MYO18A: variants seen among roughly 807,000 people sequenced by gnomAD.
MYO18A encodes unconventional myosin-XVIIIa.
A neutral mutation model predicts 235.8 loss-of-function variants in MYO18A; 78 were observed. That is an observed-to-expected ratio of 0.33 (90% CI 0.28 to 0.40). The LOEUF (loss-of-function observed/expected upper bound fraction) is 0.40, where lower values mean the gene tolerates loss of function less well. Ranked by LOEUF, MYO18A falls within the 10% of genes least tolerant of loss-of-function variation. The pLI is 1.00. For synonymous variants in MYO18A, 977 were observed against 1,077.8 expected (o/e 0.91, Z 1.83); for missense variants, 2,215 against 2,699.3 (o/e 0.82, Z 3.98).
rs2065915679 is a variant in MYO18A at position 29,073,794 on chromosome 17, T to C, written c.*976A>G. On this transcript the variant is annotated 3_prime_UTR_variant, in exon 42 of 42. Transcript: ENST00000527372. ...CGGGCTCAGGACACAGAGTGAGGACTCATGTCTAATGAGCACCGGCCAAAA... is the reference window on the plus strand; with the variant it reads ...CGGGCTCAGGACACAGAGTGAGGACCCATGTCTAATGAGCACCGGCCAAAA... The C allele has an allele frequency of 2.0e-6, 3 of 1,502,316 alleles. No individual in the cohort carries two copies. Among genetic ancestry groups the C allele is most frequent in the Admixed American group, 1.8e-5 (1 of 54,342 alleles). The allele number at this position is 1,502,316 out of a possible 1,614,324, so 93.1% of individuals were successfully genotyped here. A position where few individuals can be genotyped will look rare whatever the true frequency, so the allele number is the denominator to read the frequency against.
chr17:29,119,979 G>A (rs2067159471), intron 7 of MYO18A, among the ~76,000 whole-genome samples: 1 of 152,094 alleles, frequency 6.6e-6, no homozygotes, highest in Admixed American at 6.6e-5. Flanking sequence ...AGGTTCAAGT[G>A]ACCCTCCCAT....
At chr17:29,149,421 G>A (rs2067922705) in intron 2 of MYO18A, among the ~76,000 whole-genome samples, 1 of 152,204 alleles carries the variant, frequency 6.6e-6, no homozygotes. Context: ...GGTATGGGAC[G>A]GCGAGCCACA....
chr17:29,099,608 G>A (rs565506010), intron 22 of MYO18A, 26 bp downstream of exon 22: 1 of 1,607,052 alleles, frequency 6.2e-7, no homozygotes. Flanking sequence ...GGTTGGGGAG[G>A]GGGAGGGATG....
At chr17:29,144,679 T>A (rs1344328023) in intron 2 of MYO18A, among the ~76,000 whole-genome samples, 1 of 152,180 alleles carries the variant, frequency 6.6e-6, no homozygotes, top group African/African-American at 2.4e-5. Context: ...CCTGGCAAAT[T>A]ATAGTTATTA....
Position 29,092,328 on chromosome 17 carries a change from A to C in MYO18A, c.5187+15T>G. ...CAGCCCCCCGAGCTCTGCCCCGGGCACCTTGGCCCCTCACCGCTGTCTTGG... is the reference window on the plus strand; with the variant it reads ...CAGCCCCCCGAGCTCTGCCCCGGGCCCCTTGGCCCCTCACCGCTGTCTTGG... On this transcript the variant is annotated intron_variant, in intron 34 of 41. Transcript: ENST00000527372. 1 of 1,600,394 alleles carries C rather than the reference A, an allele frequency of 6.2e-7. No homozygotes were observed. Among genetic ancestry groups the C allele is most frequent in the African/African-American group, 1.3e-5 (1 of 74,882 alleles).
At chr17:29,080,009 A>C (rs1261291087) in intron 41 of MYO18A, 2 of 985,916 alleles carry the variant, frequency 2.0e-6, no homozygotes, top group African/African-American at 1.7e-5. Context: ...TGCTCTGAGG[A>C]AGCTTCGGAG....
rs1377075294 is a variant in MYO18A at position 29,094,833 on chromosome 17, A to G, written c.4527T>C (p.Ile1509=). Residue 1509 remains isoleucine, a synonymous_variant, in exon 30 of 42, where the codon ATT becomes ATC. Transcript: ENST00000527372. The part of the protein sequence containing the change: ...KQQLEEKDMD[I]AGFTQKVVSL... ...ACACAACCTTCTGGGTGAACCCTGC[A>G]ATGTCCATGTCTTTTTCCTGGAGCA... The G allele has an allele frequency of 4.3e-6, 7 of 1,613,972 alleles. No individual in the cohort carries two copies. Among genetic ancestry groups the G allele is most frequent in the Non-Finnish European group, 5.9e-6 (7 of 1,179,882 alleles).
intron 1 of MYO18A, among the ~76,000 whole-genome samples, chr17:29,178,568 C>G (rs1034322050): frequency 6.6e-6 from 1 of 152,072 alleles, no homozygotes. Flanking sequence ...CATGTCAAAT[C>G]CAGAAACCAG....
intron 2 of MYO18A, among the ~76,000 whole-genome samples, chr17:29,154,610 G>C: frequency 6.6e-6 from 1 of 152,170 alleles, no homozygotes; most frequent in Admixed American, 6.5e-5. Flanking sequence ...TGATCTTGAG[G>C]CATGGCCAAG....
chr17:29,094,598 T>C (rs1345932456), intron 30 of MYO18A, 52 bp downstream of exon 30: 1 of 1,582,842 alleles, frequency 6.3e-7, no homozygotes, highest in Non-Finnish European at 8.7e-7. Context: ...GCTGTGGGGA[T>C]GGTGGCGGCC....
intron 2 of MYO18A, chr17:29,131,253 G>T: frequency 2.7e-6 from 1 of 376,520 alleles, no homozygotes; most frequent in Non-Finnish European, 3.7e-6. Flanking sequence ...CCATGGAGCT[G>T]TCTCACAGGC....
intron 1 of MYO18A, among the ~76,000 whole-genome samples, chr17:29,177,611 C>CG (rs973040128): frequency 3.3e-5 from 5 of 152,054 alleles, no homozygotes; most frequent in African/African-American, 7.2e-5. Context: ...TTAAAGCACC[C>CG]GGGGGTCTGA....
At chr17:29,076,305 AC>A (rs2065974839) in intron 41 of MYO18A, 1 of 138,552 alleles carries the variant, frequency 7.2e-6, no homozygotes, top group Non-Finnish European at 1.5e-5. Context: ...GGACGACTTC[AC>A]CCCGCCACTC....
intron 25 of MYO18A, 100 bp downstream of exon 25, chr17:29,098,005 G>A: frequency 6.3e-7 from 1 of 1,576,068 alleles, no homozygotes; most frequent in Non-Finnish European, 8.6e-7. Context: ...CAGGGATGCT[G>A]GGCTAGGGGT....
chr17:29,086,669 G>T, intron 38 of MYO18A, 92 bp from the exon 39 acceptor site: 1 of 1,489,404 alleles, frequency 6.7e-7, no homozygotes, highest in Non-Finnish European at 9.0e-7. Context: ...TCCGGTCATG[G>T]GGGTGCTACC....
chr17:29,098,285 C>G, intron 24 of MYO18A, 61 bp from the exon 25 acceptor site: 1 of 1,612,134 alleles, frequency 6.2e-7, no homozygotes, highest in Admixed American at 1.7e-5. Flanking sequence ...AGCCAGAACA[C>G]CTGGGGGACC....
At chr17:29,116,535 T>C (rs2067066001) in intron 10 of MYO18A, 80 bp from the exon 11 acceptor site, 1 of 1,568,274 alleles carries the variant, frequency 6.4e-7, no homozygotes, top group African/African-American at 1.4e-5. Flanking sequence ...GCTCGCCGCC[T>C]CGGAGGGACC....
chr17:29,121,723 C>G lies in MYO18A; in HGVS notation c.1195G>C (p.Ala399Pro), dbSNP rs1309750987. The part of the protein sequence containing the change: ...LDVDEDDVEK[A>P]NAPSCDRLED... ...AGACGGTCGCAGGAGGGAGCATTAG[C>G]CTGTGTGGGAGGACAGGCGGGTGGG... Residue 399 changes from alanine (A) to proline (P), a missense_variant and splice_region_variant, in exon 5 of 42, where the codon GCT (alanine) becomes CCT (proline). Ala to Pro is a conservative substitution (Grantham distance 27). Coordinates refer to ENST00000527372, the MANE Select transcript of MYO18A (RefSeq NM_078471.4). The surrounding 1 kb of genome is among the most constrained non-coding windows in gnomAD (Gnocchi z 4.2). 1 of 1,576,096 alleles carries G rather than the reference C, an allele frequency of 6.3e-7. No homozygotes were observed. The highest frequency in any genetic ancestry group is 1.4e-5 in the African/African-American group (1 of 73,938).
chr17:29,109,903 G>A lies in MYO18A; in HGVS notation c.3286C>T (p.Leu1096Phe). The change falls in exon 19 of 42, where the codon CTC (leucine) becomes TTC (phenylalanine). Residue 1096 changes from leucine (L) to phenylalanine (F), a missense_variant. Leu to Phe is a conservative substitution (Grantham distance 22). Transcript: ENST00000527372. This position sits in a 1 kb window ranked among gnomAD's most constrained non-coding sequence, Gnocchi z 4.1. Reference sequence around the variant, plus strand: ...GCATCGAGCAGGCGGGAGCCGCGGAGCTGGGTGCGGAGCAGGGGCACGTCG... The same window carrying A: ...GCATCGAGCAGGCGGGAGCCGCGGAACTGGGTGCGGAGCAGGGGCACGTCG... ...QLDVPLLRTQLRGSRLLDAMR... is the reference protein window; with the variant it reads ...QLDVPLLRTQFRGSRLLDAMR... 1 of 1,581,398 alleles carries A rather than the reference G, an allele frequency of 6.3e-7. No homozygotes were observed. Among genetic ancestry groups the A allele is most frequent in the South Asian group, 1.2e-5 (1 of 86,794 alleles).
Sources: allele counts gnomAD v4.1 joint callset (sites outside exome capture counted in the v4.1 genomes callset), GRCh38; gene constraint gnomAD v4.1.1; non-coding constraint Gnocchi (gnomAD v3.1); transcripts MANE v1.5; gene names NCBI Gene and HGNC (gene_info 2026-07-23, HGNC 2026-07-21).